The following GRM8 variants were observed in gnomAD, a reference collection of about 807,000 sequenced individuals.
GRM8 encodes glutamate metabotropic receptor 8, also known as metabotropic glutamate receptor 8.
A neutral mutation model predicts 87.2 loss-of-function variants in GRM8; 47 were observed. The ratio of observed to expected loss-of-function variants is 0.54; its 90% CI spans 0.43 to 0.69. The LOEUF is 0.69. GRM8 is among the 30% of genes least tolerant of loss of function. The pLI is 0.00. For synonymous variants in GRM8, 396 were observed against 404.5 expected (o/e 0.98, Z 0.25); for missense variants, 1,019 against 1,139.2 (o/e 0.89, Z 1.52).
chr7:127,222,998 T>C (rs192087549), intron 2 of GRM8, among the ~76,000 whole-genome samples: 99 of 152,234 alleles, frequency 6.5e-4, no homozygotes, highest in African/African-American at 2.1e-3. Context: ...TCTCTGACCT[T>C]GAGAGAGGAA....
intron 2 of GRM8, among the ~76,000 whole-genome samples, chr7:127,240,620 G>T (rs990809051): frequency 1.3e-5 from 2 of 152,128 alleles, no homozygotes; most frequent in Non-Finnish European, 2.9e-5. Flanking sequence ...AAAAGGAGAA[G>T]ATTCTTAGGA....
intron 9 of GRM8, among the ~76,000 whole-genome samples, chr7:126,455,748 G>A (rs887126755): frequency 2.0e-5 from 3 of 151,622 alleles, no homozygotes; most frequent in African/African-American, 7.3e-5. Flanking sequence ...TTCCCTACAT[G>A]CAGAAGACAT....
chr7:126,548,061 G>A (rs545767907), intron 8 of GRM8, among the ~76,000 whole-genome samples: 1 of 152,204 alleles, frequency 6.6e-6, no homozygotes, highest in East Asian at 1.9e-4. Flanking sequence ...GAGATCCTAG[G>A]ATGCAAGCTG....
At chr7:126,473,584 G>C (rs1805556123) in intron 9 of GRM8, among the ~76,000 whole-genome samples, 1 of 152,138 alleles carries the variant, frequency 6.6e-6, no homozygotes, top group Admixed American at 6.5e-5. Flanking sequence ...TTGAATTAAT[G>C]CTGAAATGAG....
chr7:126,573,536 AAGAC>A (rs1348379616), intron 8 of GRM8, among the ~76,000 whole-genome samples: 1 of 152,062 alleles, frequency 6.6e-6, no homozygotes, highest in Non-Finnish European at 1.5e-5. Flanking sequence ...GAGGGTATAA[AAGAC>A]AGCAAAAGTA....
intron 6 of GRM8, among the ~76,000 whole-genome samples, chr7:126,898,643 C>A (rs1327159174): frequency 6.6e-6 from 1 of 152,184 alleles, no homozygotes; most frequent in African/African-American, 2.4e-5. Context: ...GGCAGACATG[C>A]CACAGAATCT....
intron 3 of GRM8, among the ~76,000 whole-genome samples, chr7:127,046,948 T>C (rs1818984098): frequency 6.6e-6 from 1 of 152,204 alleles, no homozygotes; most frequent in African/African-American, 2.4e-5. Flanking sequence ...TTTATCAGGT[T>C]AAGGAAGGCC....
intron 6 of GRM8, among the ~76,000 whole-genome samples, chr7:126,880,339 A>G (rs1799913101): frequency 6.6e-6 from 1 of 152,258 alleles, no homozygotes; most frequent in Non-Finnish European, 1.5e-5. Flanking sequence ...CTTAATGCAC[A>G]TGCAATTTGC....
At chr7:126,604,143 A>G (rs574912287) in intron 8 of GRM8, among the ~76,000 whole-genome samples, 2 of 152,092 alleles carry the variant, frequency 1.3e-5, no homozygotes, top group Non-Finnish European at 2.9e-5. Context: ...CTGATCATCT[A>G]TAGGAAAATA....
intron 3 of GRM8, among the ~76,000 whole-genome samples, chr7:127,025,549 C>T (rs992972581): frequency 4.9e-4 from 74 of 152,262 alleles, no homozygotes; most frequent in African/African-American, 1.6e-3. Context: ...CATTTATTCA[C>T]ATGAACAAAC....
intron 3 of GRM8, among the ~76,000 whole-genome samples, chr7:127,026,907 C>G (rs1227081293): frequency 1.3e-5 from 2 of 152,102 alleles, no homozygotes; most frequent in Non-Finnish European, 2.9e-5. Context: ...GAAGTCTTTG[C>G]CCATGCCTAT....
chr7:127,038,658 GAA>G (rs1356355500), intron 3 of GRM8, among the ~76,000 whole-genome samples: 1 of 152,096 alleles, frequency 6.6e-6, no homozygotes, highest in Non-Finnish European at 1.5e-5. Context: ...TCAGAAGACA[GAA>G]AGCTACCTAT....
At chr7:126,486,274 T>C (rs1463752939) in intron 9 of GRM8, among the ~76,000 whole-genome samples, 3 of 152,202 alleles carry the variant, frequency 2.0e-5, no homozygotes, top group South Asian at 2.1e-4. Flanking sequence ...CCTTTTGACA[T>C]ATAAGACCTA....
At chr7:127,011,031 G>A (rs529973686) in intron 3 of GRM8, among the ~76,000 whole-genome samples, 1 of 152,116 alleles carries the variant, frequency 6.6e-6, no homozygotes, top group Admixed American at 6.6e-5. Context: ...TTGTCCTTGA[G>A]TTTTACTTAT....
intron 2 of GRM8, among the ~76,000 whole-genome samples, chr7:127,108,926 G>T (rs758840444): frequency 1.1e-4 from 16 of 152,026 alleles, no homozygotes; most frequent in Non-Finnish European, 1.5e-4. Flanking sequence ...TACACATCAG[G>T]GTATATGAAT....
intron 3 of GRM8, among the ~76,000 whole-genome samples, chr7:127,004,378 A>T (rs1814050982): frequency 6.6e-6 from 1 of 151,684 alleles, no homozygotes; most frequent in African/African-American, 2.4e-5. Context: ...TCACTAGAGG[A>T]AACATTTGAG....
chr7:127,083,089 G>A (rs1823043222), intron 3 of GRM8, among the ~76,000 whole-genome samples: 1 of 152,132 alleles, frequency 6.6e-6, no homozygotes, highest in South Asian at 2.1e-4. Context: ...CACATACCTT[G>A]TGCAACTTGG....
chr7:126,673,846 C>T (rs976047500), intron 7 of GRM8, among the ~76,000 whole-genome samples: 2 of 152,078 alleles, frequency 1.3e-5, no homozygotes, highest in African/African-American at 2.4e-5. Context: ...TCCAACTCAG[C>T]GTCTTTAGTT....
At chr7:126,882,883 T>C (rs1021616241) in intron 6 of GRM8, among the ~76,000 whole-genome samples, 4 of 152,176 alleles carry the variant, frequency 2.6e-5, no homozygotes, top group African/African-American at 7.2e-5. Flanking sequence ...TCAACCTTAA[T>C]AGTATTTGTA....
Sources: allele counts gnomAD v4.1 joint callset (sites outside exome capture counted in the v4.1 genomes callset), GRCh38; gene constraint gnomAD v4.1.1; transcripts MANE v1.5; gene names NCBI Gene and HGNC (gene_info 2026-07-23, HGNC 2026-07-21).